The following PHACTR3 variants were observed in gnomAD, a reference collection of about 807,000 sequenced individuals.
The protein encoded by PHACTR3 is protein phosphatase 1, regulatory subunit 123.
A neutral mutation model predicts 66.8 loss-of-function variants in PHACTR3; 16 were observed. The ratio of observed to expected loss-of-function variants is 0.24; its 90% CI spans 0.16 to 0.36. The LOEUF is 0.36. Ranked by LOEUF, PHACTR3 falls within the 10% of genes least tolerant of loss-of-function variation. The pLI is 1.00. For missense variants in PHACTR3, 647 were observed against 719.9 expected (o/e 0.90, Z 1.16); for synonymous variants, 323 against 292.1 (o/e 1.11, Z -1.08).
At chr20:59,723,894 A>G (rs895572000) in intron 1 of PHACTR3, among the ~76,000 whole-genome samples, 1 of 152,074 alleles carries the variant, frequency 6.6e-6, no homozygotes, top group South Asian at 2.1e-4. Flanking sequence ...GCTCAGGAGT[A>G]GAATCACTGT....
At chr20:59,714,365 G>A (rs183037535) in intron 1 of PHACTR3, among the ~76,000 whole-genome samples, 2 of 152,274 alleles carry the variant, frequency 1.3e-5, no homozygotes, top group African/African-American at 2.4e-5. Context: ...TTAATTTTAT[G>A]TATGGTATGA....
intron 4 of PHACTR3, among the ~76,000 whole-genome samples, chr20:59,762,131 A>G (rs2040012634): frequency 6.6e-6 from 1 of 152,230 alleles, no homozygotes; most frequent in African/African-American, 2.4e-5. Flanking sequence ...CCTTAGAGCC[A>G]TCAGGCAGGC....
chr20:59,678,916 A>T (rs730274), intron 1 of PHACTR3, among the ~76,000 whole-genome samples: 1 of 150,422 alleles, frequency 6.6e-6, no homozygotes, highest in Non-Finnish European at 1.5e-5. Flanking sequence ...TTACAAAGGC[A>T]ATTGCAGCCC....
chr20:59,699,208 T>C (rs1358460203), intron 1 of PHACTR3, among the ~76,000 whole-genome samples: 10 of 152,198 alleles, frequency 6.6e-5, no homozygotes, highest in Admixed American at 6.5e-4. Context: ...GAGTTGGCGA[T>C]GTTGTTTGCA....
intron 1 of PHACTR3, among the ~76,000 whole-genome samples, chr20:59,584,984 G>A (rs1163642357): frequency 6.6e-6 from 1 of 151,650 alleles, no homozygotes; most frequent in Admixed American, 6.6e-5. Context: ...ATTGCATTCT[G>A]AGACACTGGG....
At chr20:59,790,041 A>T (rs893662672) in intron 7 of PHACTR3, among the ~76,000 whole-genome samples, 6 of 152,238 alleles carry the variant, frequency 3.9e-5, no homozygotes, top group African/African-American at 1.4e-4. Context: ...TGAGAAAAAG[A>T]TATCTCATCA....
At chr20:59,689,176 G>A (rs2146572605) in intron 1 of PHACTR3, among the ~76,000 whole-genome samples, 1 of 152,326 alleles carries the variant, frequency 6.6e-6, no homozygotes, top group Non-Finnish European at 1.5e-5. Flanking sequence ...GGCGCTGAGG[G>A]CAGAAACAAG....
chr20:59,727,522 G>A (rs999853722), intron 1 of PHACTR3, among the ~76,000 whole-genome samples: 6 of 152,096 alleles, frequency 3.9e-5, no homozygotes, highest in Admixed American at 1.3e-4. Flanking sequence ...TCTCCTGGAG[G>A]AGAAGTGGCT....
At chr20:59,756,130 G>A (rs946198684) in intron 4 of PHACTR3, among the ~76,000 whole-genome samples, 6 of 152,108 alleles carry the variant, frequency 3.9e-5, no homozygotes, top group African/African-American at 1.4e-4. Context: ...AAGGGAGGAA[G>A]GATAGAGGGG....
At chr20:59,740,350 C>T (rs189820809) in intron 1 of PHACTR3, among the ~76,000 whole-genome samples, 1 of 152,144 alleles carries the variant, frequency 6.6e-6, no homozygotes, top group East Asian at 1.9e-4. Flanking sequence ...CTCTCTGTAG[C>T]CCAGGCTGGA....
intron 4 of PHACTR3, among the ~76,000 whole-genome samples, chr20:59,762,838 G>A (rs1568793116): frequency 6.6e-6 from 1 of 152,238 alleles, no homozygotes; most frequent in Non-Finnish European, 1.5e-5. Context: ...TGGGAAACAC[G>A]TGGGTATTTC....
chr20:59,600,945 C>G (rs1191377277), upstream of PHACTR3, among the ~76,000 whole-genome samples: 1 of 137,590 alleles, frequency 7.3e-6, no homozygotes, highest in Non-Finnish European at 1.6e-5. Flanking sequence ...CCTCTACATG[C>G]TTTTTTTTTT....
At chr20:59,656,486 A>G (rs1217658169) in intron 1 of PHACTR3, among the ~76,000 whole-genome samples, 2 of 151,932 alleles carry the variant, frequency 1.3e-5, no homozygotes, top group Admixed American at 6.5e-5. Context: ...TGCTGTTTGC[A>G]TGCTATATCT....
intron 1 of PHACTR3, among the ~76,000 whole-genome samples, chr20:59,741,593 G>A (rs2039164071): frequency 6.6e-6 from 1 of 152,158 alleles, no homozygotes; most frequent in Non-Finnish European, 1.5e-5. Context: ...CTTACTTTGT[G>A]AGCTTCTCTA....
intron 1 of PHACTR3, among the ~76,000 whole-genome samples, chr20:59,623,252 T>A (rs1036146342): frequency 4.0e-5 from 6 of 151,860 alleles, no homozygotes; most frequent in Non-Finnish European, 5.9e-5. Flanking sequence ...TCCGCATGGA[T>A]CAGGCTTGGT....
chr20:59,825,669 T>C (rs2042169732), intron 8 of PHACTR3, among the ~76,000 whole-genome samples: 2 of 151,896 alleles, frequency 1.3e-5, no homozygotes, highest in Admixed American at 6.6e-5. Context: ...GGAGTCGGGG[T>C]GGGCTTTCTG....
intron 2 of PHACTR3, among the ~76,000 whole-genome samples, chr20:59,743,793 C>T (rs1326389543): frequency 1.3e-5 from 2 of 152,214 alleles, no homozygotes; most frequent in Non-Finnish European, 2.9e-5. Flanking sequence ...GTCGGTTTGG[C>T]TTTGACACCT....
intron 4 of PHACTR3, 99 bp downstream of exon 4, chr20:59,755,463 A>T: frequency 2.3e-6 from 3 of 1,325,418 alleles, no homozygotes; most frequent in Non-Finnish European, 3.1e-6. Flanking sequence ...CCCTCGTAGA[A>T]CATTGTTCTC....
chr20:59,682,631 T>C (rs2036705770), intron 1 of PHACTR3, among the ~76,000 whole-genome samples: 1 of 152,162 alleles, frequency 6.6e-6, no homozygotes, highest in Non-Finnish European at 1.5e-5. Context: ...GAGTATTACA[T>C]GGAGTGTCAG....
Sources: allele counts gnomAD v4.1 joint callset (sites outside exome capture counted in the v4.1 genomes callset), GRCh38; gene constraint gnomAD v4.1.1; transcripts MANE v1.5; gene names NCBI Gene and HGNC (gene_info 2026-07-23, HGNC 2026-07-21).